Variants in ALMS1 observed in about 807,000 individuals in gnomAD.
ALMS1 encodes ALMS1 centrosome and basal body associated protein.
Under a neutral mutation model 352.2 loss-of-function variants are expected in ALMS1, and 271 were observed. The observed-to-expected ratio is 0.77, with a 90% CI of 0.70 to 0.85. The LOEUF (loss-of-function observed/expected upper bound fraction) is 0.85. Ranked by LOEUF, ALMS1 falls within the 40% of genes least tolerant of loss-of-function variation. ALMS1 has a pLI of 0.00. For missense variants in ALMS1, 5,445 were observed against 4,870.7 expected, an observed-to-expected ratio of 1.12 and a Z score of -3.51; for synonymous variants, 1,865 against 1,761.2, an observed-to-expected ratio of 1.06 and a Z score of -1.48.
chr2:73,470,780 C>G (rs1672450177), intron 9 of ALMS1: 1 of 151,722 alleles, frequency 6.6e-6, no homozygotes, highest in African/African-American at 2.4e-5. Flanking sequence ...TATTTAGGTA[C>G]TCTAATGTTG....
intron 9 of ALMS1, among the ~76,000 whole-genome samples, chr2:73,465,181 T>G (rs1343974961): frequency 2.6e-5 from 4 of 152,026 alleles, no homozygotes; most frequent in Non-Finnish European, 4.4e-5. Flanking sequence ...CATCGCCAAG[T>G]CAATCCTAAG....
chr2:73,494,914 C>T (rs1350947891), intron 10 of ALMS1, among the ~76,000 whole-genome samples: 3 of 152,146 alleles, frequency 2.0e-5, no homozygotes, highest in East Asian at 3.8e-4. Flanking sequence ...ATGAGTGGAT[C>T]TTGGCTGTAG....
rs1313026459 is a variant in ALMS1, at chr2:73,448,764, C to T, written c.2237C>T (p.Thr746Ile). Residue 746 changes from threonine (T) to isoleucine (I), a missense_variant, in exon 8 of 23, where the codon ACT (threonine) becomes ATT (isoleucine). By Grantham distance (89) the Thr-to-Ile change is moderately conservative. Transcript: ENST00000613296. ...GAGACTCTTACTAAAGTTTCAGCCA[C>T]TCCTGGACCAGCTGACCAGAAGACT... is the stretch of plus-strand genomic sequence containing the variant. Reference protein sequence around the residue: ...TEETLTKVSATPGPADQKTEI... With the variant: ...TEETLTKVSAIPGPADQKTEI... 3 of 1,613,774 alleles carry T rather than the reference C, an allele frequency of 1.9e-6. No homozygotes were observed. The highest frequency in any genetic ancestry group is 2.5e-6 in the Non-Finnish European group (3 of 1,179,866).
chr2:73,601,344 G>A lies in ALMS1; in HGVS notation c.12022G>A (p.Gly4008Arg), dbSNP rs1193106279. Reference protein sequence around the residue: ...REPLREQNCQGQHLDGRGYLA... With the variant: ...REPLREQNCQRQHLDGRGYLA... Reference sequence around the variant, plus strand: ...GCCACTGCGGGAGCAGAACTGTCAGGGGCAGCACCTGGACGGTCGGGGCTA... The same window carrying A: ...GCCACTGCGGGAGCAGAACTGTCAGAGGCAGCACCTGGACGGTCGGGGCTA... The change falls in exon 19 of 23, where the codon GGG (glycine) becomes AGG (arginine). Residue 4008 changes from glycine (G) to arginine (R), a missense_variant. Transcript: ENST00000613296. The A allele has an allele frequency of 1.2e-6, 2 of 1,614,062 alleles. No homozygotes were observed. The highest frequency in any genetic ancestry group is 1.3e-5 in the African/African-American group (1 of 74,936).
intron 8 of ALMS1, chr2:73,454,435 A>G (rs967257131): frequency 7.5e-6 from 7 of 929,226 alleles, no homozygotes; most frequent in East Asian, 2.3e-4. Context: ...CTCCCATTAT[A>G]GTATCCTTAT....
chr2:73,454,699 G>A (rs1438808520), intron 8 of ALMS1, among the ~76,000 whole-genome samples: 1 of 152,032 alleles, frequency 6.6e-6, no homozygotes, highest in Non-Finnish European at 1.5e-5. Context: ...ATATATTTTG[G>A]GAGGCAATTT....
intron 9 of ALMS1, among the ~76,000 whole-genome samples, chr2:73,479,497 C>G (rs1672650762): frequency 6.6e-6 from 1 of 152,122 alleles, no homozygotes; most frequent in Admixed American, 6.5e-5. Context: ...TTGTATTGGC[C>G]TTTTTTTCAC....
At chr2:73,531,372 A>C (rs1673906133) in intron 11 of ALMS1, among the ~76,000 whole-genome samples, 1 of 152,240 alleles carries the variant, frequency 6.6e-6, no homozygotes, top group African/African-American at 2.4e-5. Flanking sequence ...AATTGCTGCC[A>C]GTCTCTTTGC....
chr2:73,545,825 C>T (rs1674303259), intron 12 of ALMS1, among the ~76,000 whole-genome samples: 1 of 152,176 alleles, frequency 6.6e-6, no homozygotes, highest in African/African-American at 2.4e-5. Flanking sequence ...ATGCACTCTA[C>T]CCTTTATGAA....
chr2:73,533,456 A>C (rs1278910316), intron 11 of ALMS1, among the ~76,000 whole-genome samples: 1 of 152,168 alleles, frequency 6.6e-6, no homozygotes, highest in Non-Finnish European at 1.5e-5. Context: ...CTGGGTCTAG[A>C]GTAACTGCTA....
chr2:73,488,764 A>G (rs1022817865), intron 9 of ALMS1, among the ~76,000 whole-genome samples: 9 of 152,232 alleles, frequency 5.9e-5, no homozygotes, highest in African/African-American at 1.7e-4. Context: ...AGATGTTGCT[A>G]TATCATCAAA....
chr2:73,391,240 A>G (rs1342891594), intron 1 of ALMS1, among the ~76,000 whole-genome samples: 1 of 151,412 alleles, frequency 6.6e-6, no homozygotes, highest in Non-Finnish European at 1.5e-5. Flanking sequence ...CCCATCTCCA[A>G]ATTTATCTAC....
At position 73,573,405 on chromosome 2, in the gene ALMS1, C is replaced by G. The variant is rs760345450; in HGVS notation, c.11528C>G (p.Thr3843Ser). The change falls in exon 16 of 23, where the codon ACC becomes AGC. Residue 3843 changes from threonine to serine, a missense_variant. Transcript: ENST00000613296. ...TGHPLVTSEHTRRRHIQVANH... is the reference protein window; with the variant it reads ...TGHPLVTSEHSRRRHIQVANH... Reference sequence around the variant, plus strand: ...CATCCCCTAGTGACTTCTGAGCACACCAGAAGGAGACACATCCAGGTACAT... The same window carrying G: ...CATCCCCTAGTGACTTCTGAGCACAGCAGAAGGAGACACATCCAGGTACAT... The G allele has an allele frequency of 1.2e-6, 2 of 1,614,006 alleles. No individual in the cohort carries two copies. Among genetic ancestry groups the G allele is most frequent in the Admixed American group, 1.7e-5 (1 of 59,958 alleles).
At chr2:73,466,794 A>T (rs1019483696) in intron 9 of ALMS1, among the ~76,000 whole-genome samples, 43 of 152,234 alleles carry the variant, frequency 2.8e-4, no homozygotes, top group African/African-American at 1.0e-3. Context: ...TGAAACAAAA[A>T]TACTAGGACC....
At chr2:73,502,997 A>G (rs1673247605) in intron 10 of ALMS1, among the ~76,000 whole-genome samples, 1 of 152,164 alleles carries the variant, frequency 6.6e-6, no homozygotes, top group African/African-American at 2.4e-5. Context: ...ACATTCTCCT[A>G]TAGGACCACA....
chr2:73,453,708 G>T lies in ALMS1; in HGVS notation c.7181G>T (p.Gly2394Val). 6.2e-7 allele frequency: 1 copy of T among 1,614,082 alleles called. No individual in the cohort carries two copies. The highest frequency in any genetic ancestry group is 8.5e-7 in the Non-Finnish European group (1 of 1,179,996). Residue 2394 changes from glycine to valine, a missense_variant, in exon 8 of 23, where the codon GGG becomes GTG. Gly to Val is a moderately radical substitution (Grantham distance 109). Coordinates refer to ENST00000613296, the MANE Select transcript of ALMS1 (RefSeq NM_001378454.1). ...AKSVMRSEPE[G>V]CSGTIGNKII... Reference sequence around the variant, plus strand: ...TCTGTAATGAGGTCTGAACCTGAAGGGTGTAGTGGAACCATTGGGAATAAA... The same window carrying T: ...TCTGTAATGAGGTCTGAACCTGAAGTGTGTAGTGGAACCATTGGGAATAAA...
intron 5 of ALMS1, among the ~76,000 whole-genome samples, chr2:73,425,277 A>G (rs1671357927): frequency 6.6e-6 from 1 of 152,198 alleles, no homozygotes. Context: ...AGGTTTACAG[A>G]AAGAATCATC....
At chr2:73,467,081 T>C (rs1372625610) in intron 9 of ALMS1, among the ~76,000 whole-genome samples, 1 of 147,460 alleles carries the variant, frequency 6.8e-6, no homozygotes, top group African/African-American at 2.5e-5. Flanking sequence ...TGATGTTGGG[T>C]TAGGCAAAGG....
chr2:73,451,468 T>A lies in ALMS1; in HGVS notation c.4941T>A (p.Ala1647=). The change falls in exon 8 of 23, where the codon GCT becomes GCA. Residue 1647 remains alanine (A), a synonymous_variant. Transcript: ENST00000613296. ...AAGAGGTTGTGAAAGTTTCAGCTGC[T>A]CCTGGACCAGCTGACCAGAAGACTG... ...LNKEVVKVSA[A]PGPADQKTET... 1 of 1,614,100 alleles carries A rather than the reference T, an allele frequency of 6.2e-7. No homozygotes were observed.
Sources: gnomAD v4.1 joint callset for allele counts (sites outside exome capture counted in the v4.1 genomes callset) on GRCh38, gnomAD v4.1.1 for gene constraint, MANE v1.5 for transcripts, NCBI Gene and HGNC (gene_info 2026-07-23, HGNC 2026-07-21) for gene names.